Variants in C19orf38 observed in about 807,000 individuals in gnomAD.
C19orf38 encodes the protein protein HIDE1.
A neutral mutation model predicts 26.6 loss-of-function variants in C19orf38; 14 were observed. That is an observed-to-expected ratio of 0.53 (90% CI 0.35 to 0.82). The LOEUF is 0.82. Among genes scored for constraint, C19orf38 ranks in the 40% least tolerant of loss-of-function variants. The pLI, the probability that C19orf38 is intolerant of heterozygous loss-of-function variation, is 0.01. For missense variants in C19orf38, 261 were observed against 299.5 expected, an observed-to-expected ratio of 0.87 and a Z score of 0.95; for synonymous variants, 132 against 128.5, an observed-to-expected ratio of 1.03 and a Z score of -0.18.
rs565935001 is a variant in C19orf38 at position 10,842,894 on chromosome 19, C to T, written c.-68-5547C>T. Among the ~76,000 whole-genome samples the T allele has an allele frequency of 3.3e-5, 5 of 152,350 alleles. No individual in the cohort carries two copies. The South Asian group carries it at 1.0e-3, about 32-fold the overall frequency. On this transcript the variant is annotated intron_variant, in intron 1 of 7. Coordinates refer to the C19orf38 transcript ENST00000592854. ...GAGGCACCCTGCCCACTCAGCCCAC[C>T]TGTGTTATAGCTTGTATCTGCATTC... is the stretch of plus-strand genomic sequence containing the variant.
chr19:10,858,477 T>C, intron 4 of C19orf38, 134 bp downstream of exon 4: 1 of 820,254 alleles, frequency 1.2e-6, no homozygotes, highest in Non-Finnish European at 1.9e-6. Flanking sequence ...ACAGGAGCCA[T>C]TTATTAAGTG....
At chr19:10,861,323 C>T (rs537839857) in intron 5 of C19orf38, among the ~76,000 whole-genome samples, 46 of 152,354 alleles carry the variant, frequency 3.0e-4, no homozygotes, top group South Asian at 1.2e-3. Context: ...CCCAAGGGGG[C>T]GAAAGGCAGC....
chr19:10,849,255 A>C (rs1327651666), intron 1 of C19orf38, among the ~76,000 whole-genome samples: 1 of 152,102 alleles, frequency 6.6e-6, no homozygotes, highest in Non-Finnish European at 1.5e-5. Flanking sequence ...TCCTGGGCTC[A>C]AGCAGTCCTC....
chr19:10,842,318 T>C (rs1177908821), intron 1 of C19orf38: 5 of 695,050 alleles, frequency 7.2e-6, no homozygotes, highest in Admixed American at 2.4e-5. Context: ...TGGAGTGCAG[T>C]GGCGCGACCT....
At chr19:10,852,909 C>T (rs913300507) in intron 2 of C19orf38, among the ~76,000 whole-genome samples, 6 of 151,882 alleles carry the variant, frequency 4.0e-5, no homozygotes, top group Non-Finnish European at 8.8e-5. Context: ...TTCTGTGTTA[C>T]CATCAGTCAG....
chr19:10,836,808 G>A (rs2146229741), intron 1 of C19orf38: 1 of 152,574 alleles, frequency 6.6e-6, no homozygotes, highest in African/African-American at 2.4e-5. Context: ...CCTGTAGTGC[G>A]GCTGTGAGAA....
At chr19:10,850,636 GT>G in intron 2 of C19orf38, 69 bp downstream of exon 2, 2 of 1,487,770 alleles carry the variant, frequency 1.3e-6, no homozygotes, top group Non-Finnish European at 1.8e-6. Context: ...TGTGTGTACT[GT>G]TGACTCAGAG....
chr19:10,860,125 G>T (rs2073681049), intron 5 of C19orf38, 167 bp downstream of exon 5: 4 of 694,962 alleles, frequency 5.8e-6, no homozygotes. Context: ...TCTCTCCTTT[G>T]ACTTAACCTA....
At position 10,853,963 on chromosome 19, in the gene C19orf38, G is replaced by A. The variant is rs143151630; in HGVS notation, c.341-2302G>A. On this transcript the variant is annotated intron_variant, in intron 2 of 6. Transcript: ENST00000397820. Reference sequence around the variant, plus strand: ...CATGTGTCAGTAGGCTGAGGCAGGTGGATCACTTAAGCCGGGGAGGTAGAG... The same window carrying A: ...CATGTGTCAGTAGGCTGAGGCAGGTAGATCACTTAAGCCGGGGAGGTAGAG... Among the ~76,000 whole-genome samples, 565 of 150,858 alleles carry A rather than the reference G, an allele frequency of 3.7e-3. 3 individuals are homozygous for A. The highest frequency in any genetic ancestry group is 0.013 in the African/African-American group (515 of 41,068).
chr19:10,862,206 T>G (rs939387016), intron 5 of C19orf38, among the ~76,000 whole-genome samples: 15 of 147,252 alleles, frequency 1.0e-4, no homozygotes, highest in South Asian at 2.2e-4. Flanking sequence ...AGCCTGTTTT[T>G]TTTTTTTTTT....
At chr19:10,859,366 ATATATATATATATATATATTT>A (rs1489252592) in intron 4 of C19orf38, among the ~76,000 whole-genome samples, 4 of 48,946 alleles carry the variant, frequency 8.2e-5, no homozygotes, top group African/African-American at 3.5e-4. Flanking sequence ...ATATATATAT[ATATATATATATATATATATTT>A]TTTTTTTTTT....
At chr19:10,844,429 A>G (rs2073501119), upstream of C19orf38, among the ~76,000 whole-genome samples, 1 of 142,484 alleles carries the variant, frequency 7.0e-6, no homozygotes, top group Non-Finnish European at 1.5e-5. Flanking sequence ...AAATTTAAAA[A>G]GCTAGGCGTG....
chr19:10,865,995 ATATT>A (rs1268792560), intron 6 of C19orf38, among the ~76,000 whole-genome samples: 6 of 150,162 alleles, frequency 4.0e-5, no homozygotes, highest in South Asian at 4.2e-4. Context: ...TTTTATATAT[ATATT>A]TATTTATTTA....
At chr19:10,861,724 C>G (rs1051851945) in intron 5 of C19orf38, among the ~76,000 whole-genome samples, 1 of 151,754 alleles carries the variant, frequency 6.6e-6, no homozygotes, top group East Asian at 1.9e-4. Context: ...ATTACAGGCA[C>G]GTGCCACCAT....
intron 4 of C19orf38, among the ~76,000 whole-genome samples, chr19:10,859,676 G>T (rs550875571): frequency 6.6e-6 from 1 of 151,920 alleles, no homozygotes; most frequent in Non-Finnish European, 1.5e-5. Flanking sequence ...GAGCCACTGC[G>T]CCTGGCCCAA....
chr19:10,849,789 C>G (rs141945677), intron 1 of C19orf38, among the ~76,000 whole-genome samples: 2 of 152,194 alleles, frequency 1.3e-5, no homozygotes, highest in East Asian at 3.9e-4. Context: ...GATGGCCAGG[C>G]ATGGTAGCTC....
At chr19:10,849,777 C>T (rs960623126) in intron 1 of C19orf38, among the ~76,000 whole-genome samples, 3 of 151,952 alleles carry the variant, frequency 2.0e-5, no homozygotes, top group African/African-American at 7.3e-5. Flanking sequence ...TTATTGAAAA[C>T]TGATGGCCAG....
rs2073783447 is a variant in C19orf38 at position 10,869,527 on chromosome 19, G to T, written c.*160G>T. 1.1e-5 allele frequency: 12 copies of T among 1,077,378 alleles called. No individual in the cohort carries two copies. The highest frequency in any genetic ancestry group is 1.5e-5 in the Non-Finnish European group (12 of 775,926). 66.7% of individuals were successfully genotyped at this position (1,077,378 alleles called of 1,614,324 possible). On this transcript the variant is annotated 3_prime_UTR_variant, in exon 7 of 7. Coordinates refer to ENST00000397820, the MANE Select transcript of C19orf38 (RefSeq NM_001136482.3). ...GGATTTTCATCACAGAGGAGTGGGA[G>T]AGGGGACACAGGCATGGGCCTGGCA...
intron 4 of C19orf38, among the ~76,000 whole-genome samples, chr19:10,859,400 T>A (rs1424867211): frequency 1.6e-5 from 2 of 122,932 alleles, no homozygotes; most frequent in South Asian, 2.7e-4. Context: ...TTTTTTTTTT[T>A]TAGACGGAGT....
Sources: gnomAD v4.1 joint callset for allele counts (sites outside exome capture counted in the v4.1 genomes callset) on GRCh38, gnomAD v4.1.1 for gene constraint, MANE v1.5 for transcripts, NCBI Gene and HGNC (gene_info 2026-07-23, HGNC 2026-07-21) for gene names.